Variants in ITGA9 observed in about 807,000 individuals in gnomAD.
ITGA9 encodes the protein integrin alpha-9.
Under a neutral mutation model 127.8 loss-of-function variants are expected in ITGA9, and 56 were observed. The ratio of observed to expected loss-of-function variants is 0.44; its 90% CI spans 0.35 to 0.55. ITGA9 has a LOEUF of 0.55. Among genes scored for constraint, ITGA9 ranks in the 20% least tolerant of loss-of-function variants. ITGA9 has a pLI of 0.00. For synonymous variants in ITGA9, 508 were observed against 514.5 expected, an observed-to-expected ratio of 0.99 and a Z score of 0.17; for missense variants, 1,196 against 1,347.1, an observed-to-expected ratio of 0.89 and a Z score of 1.76.
chr3:37,613,016 G>C lies in ITGA9; in HGVS notation c.1690-16171G>C, dbSNP rs1700038732. 2.6e-5 allele frequency among the ~76,000 whole-genome samples: 4 copies of C among 151,808 alleles called. No individual in the cohort carries two copies. The Middle Eastern group carries it at 0.01, about 387-fold the overall frequency. On this transcript the variant is annotated intron_variant, in intron 15 of 27. Transcript: ENST00000264741. ...TTAGGGTACATGTGCACAACGTGCA[G>C]GTTTGTTACATATGTATTCATGTGC...
chr3:37,547,583 A>G (rs546691546), intron 15 of ITGA9, among the ~76,000 whole-genome samples: 61 of 152,292 alleles, frequency 4.0e-4, no homozygotes, highest in Non-Finnish European at 5.9e-4. Flanking sequence ...CAGATAGTTA[A>G]GAAAGGGAGA....
At chr3:37,805,067 C>CTT (rs11442951) in intron 27 of ITGA9, among the ~76,000 whole-genome samples, 2,449 of 146,542 alleles carry the variant, frequency 0.017, 30 homozygotes, top group Middle Eastern at 0.07. Flanking sequence ...CAGTGGGTTC[C>CTT]TTTTTTTTTT....
chr3:37,816,363 A>G (rs1697432626), intron 27 of ITGA9, among the ~76,000 whole-genome samples: 1 of 152,180 alleles, frequency 6.6e-6, no homozygotes, highest in South Asian at 2.1e-4. Flanking sequence ...ACCTGGGATT[A>G]TTGACACATT....
chr3:37,807,158 C>T (rs990764645), intron 27 of ITGA9: 23 of 152,258 alleles, frequency 1.5e-4, no homozygotes, highest in African/African-American at 5.5e-4. Context: ...TCCTGACTCT[C>T]ACACTTGCCT....
At chr3:37,555,483 CAT>C (rs1246202189) in intron 15 of ITGA9, among the ~76,000 whole-genome samples, 1 of 152,216 alleles carries the variant, frequency 6.6e-6, no homozygotes, top group Non-Finnish European at 1.5e-5. Context: ...TGAAATAACA[CAT>C]GTGGCTAGTG....
chr3:37,452,816 A>G lies in ITGA9; in HGVS notation c.185+257A>G, dbSNP rs922899933. Among the ~76,000 whole-genome samples the G allele has an allele frequency of 5.9e-5, 9 of 152,064 alleles. No homozygotes were observed. The highest frequency in any genetic ancestry group is 1.0e-4 in the Non-Finnish European group (7 of 67,984). On this transcript the variant is annotated intron_variant, in intron 1 of 27. Transcript: ENST00000264741. The surrounding 1 kb of genome is among the most constrained non-coding windows in gnomAD (Gnocchi z 7.3). ...GTGCCTCCCTGGGGTCCCAGCCCAG[A>G]GCGTGGGGGGAGAGCCGCTAGAGTT...
chr3:37,518,771 CTTTTTTTTTTTTT>C (rs543297344), intron 10 of ITGA9, among the ~76,000 whole-genome samples: 11 of 43,514 alleles, frequency 2.5e-4, no homozygotes, highest in South Asian at 9.2e-4. Context: ...TTTCACTGTA[CTTTTTTTTTTTTT>C]TTTTTTTTTT....
At chr3:37,769,478 A>G (rs990739681) in intron 23 of ITGA9, among the ~76,000 whole-genome samples, 1 of 151,998 alleles carries the variant, frequency 6.6e-6, no homozygotes, top group African/African-American at 2.4e-5. Flanking sequence ...CCTGGTTCCT[A>G]TTACCTTCTG....
At chr3:37,711,616 C>T (rs747865948) in intron 18 of ITGA9, among the ~76,000 whole-genome samples, 108 of 152,284 alleles carry the variant, frequency 7.1e-4, no homozygotes, top group Non-Finnish European at 1.0e-3. Context: ...GTTGCCCAGG[C>T]TGGCCTCAAA....
At chr3:37,785,767 G>A (rs1229954960) in intron 26 of ITGA9, among the ~76,000 whole-genome samples, 3 of 152,064 alleles carry the variant, frequency 2.0e-5, no homozygotes, top group Admixed American at 6.5e-5. Context: ...GCAAACACTG[G>A]GTGTTTTAAA....
chr3:37,786,853 C>CTTTG (rs987867943), intron 26 of ITGA9, among the ~76,000 whole-genome samples: 10 of 152,118 alleles, frequency 6.6e-5, no homozygotes, highest in African/African-American at 2.4e-4. Flanking sequence ...TTGTTTGTTT[C>CTTTG]TTTGTTTGTT....
Position 37,732,809 on chromosome 3 carries a change from C to T in ITGA9, c.2154+11C>T, listed in dbSNP as rs1263320941. On this transcript the variant is annotated intron_variant, in intron 19 of 27. Transcript: ENST00000264741. ...AGGTCAAAGTCAAAGGTAAGGGACA[C>T]AGACGGGACCCTTCCTCAGCAGCAG... is the stretch of plus-strand genomic sequence containing the variant. 1.3e-5 allele frequency: 20 copies of T among 1,595,122 alleles called. No homozygotes were observed. The highest frequency in any genetic ancestry group is 1.5e-5 in the Non-Finnish European group (18 of 1,168,014).
chr3:37,618,529 C>T (rs1385420551), intron 15 of ITGA9, among the ~76,000 whole-genome samples: 5 of 152,214 alleles, frequency 3.3e-5, no homozygotes, highest in Non-Finnish European at 7.3e-5. Context: ...GTTTCTGCTG[C>T]CTTTTGTTTG....
At chr3:37,595,559 T>G (rs1699861457) in intron 15 of ITGA9, among the ~76,000 whole-genome samples, 1 of 152,224 alleles carries the variant, frequency 6.6e-6, no homozygotes, top group Non-Finnish European at 1.5e-5. Flanking sequence ...TTTATTTTAG[T>G]AATTAGAGGT....
chr3:37,787,599 T>C (rs1319359779), intron 26 of ITGA9, among the ~76,000 whole-genome samples: 1 of 152,184 alleles, frequency 6.6e-6, no homozygotes, highest in Non-Finnish European at 1.5e-5. Flanking sequence ...AATGAAGTTC[T>C]ACAATCTGTT....
intron 25 of ITGA9, among the ~76,000 whole-genome samples, chr3:37,780,821 CTCACCAACAT>C (rs1433111492): frequency 1.3e-5 from 2 of 152,150 alleles, no homozygotes; most frequent in African/African-American, 2.4e-5. Context: ...TCTTTGCATC[CTCACCAACAT>C]CTGTTGTTGT....
chr3:37,666,508 G>C (rs1700587899), intron 17 of ITGA9, among the ~76,000 whole-genome samples: 1 of 152,100 alleles, frequency 6.6e-6, no homozygotes, highest in Admixed American at 6.5e-5. Context: ...GGCAACCTCG[G>C]GTTGGTTGGG....
At chr3:37,614,322 A>G (rs1487401704) in intron 15 of ITGA9, among the ~76,000 whole-genome samples, 1 of 151,682 alleles carries the variant, frequency 6.6e-6, no homozygotes, top group East Asian at 1.9e-4. Context: ...CCATTGATCT[A>G]TATCTCTGTT....
chr3:37,714,543 A>G (rs1025907586), intron 18 of ITGA9, among the ~76,000 whole-genome samples: 4 of 152,070 alleles, frequency 2.6e-5, no homozygotes, highest in Non-Finnish European at 5.9e-5. Context: ...CCCCTCTCCT[A>G]TGAGACCATC....
Sources: gnomAD v4.1 joint callset for allele counts (sites outside exome capture counted in the v4.1 genomes callset) on GRCh38, gnomAD v4.1.1 for gene constraint, Gnocchi (gnomAD v3.1) non-coding constraint, MANE v1.5 for transcripts, NCBI Gene and HGNC (gene_info 2026-07-23, HGNC 2026-07-21) for gene names.